The following SLC25A21 variants were observed in gnomAD, a reference collection of about 807,000 sequenced individuals.
The protein encoded by SLC25A21 is solute carrier family 25 member 21, also known as mitochondrial 2-oxodicarboxylate carrier.
In SLC25A21, 47 loss-of-function variants were observed where a neutral mutation model predicts 43.8. That is an observed-to-expected ratio of 1.07 (90% CI 0.85 to 1.37). SLC25A21 has a LOEUF of 1.37. SLC25A21 is among the 40% of genes most tolerant of loss of function. SLC25A21 has a pLI of 0.00. For missense variants in SLC25A21, 352 were observed against 350.2 expected (o/e 1.00, Z -0.04); for synonymous variants, 131 against 121.3 (o/e 1.08, Z -0.52).
chr14:36,779,820 G>C (rs534788983), intron 3 of SLC25A21, among the ~76,000 whole-genome samples: 1 of 151,306 alleles, frequency 6.6e-6, no homozygotes, highest in Non-Finnish European at 1.5e-5. Context: ...CCCAGAAGTG[G>C]GATTTCTGGA....
intron 2 of SLC25A21, among the ~76,000 whole-genome samples, chr14:36,855,806 A>C (rs1233165040): frequency 2.6e-5 from 4 of 152,198 alleles, no homozygotes; most frequent in Non-Finnish European, 5.9e-5. Context: ...CATTTGTCAC[A>C]TATCAATACG....
At chr14:36,917,575 C>T (rs566030225) in intron 1 of SLC25A21, among the ~76,000 whole-genome samples, 19 of 151,996 alleles carry the variant, frequency 1.3e-4, no homozygotes, top group African/African-American at 4.3e-4. Flanking sequence ...GCATAGGAGG[C>T]AATTTGATAA....
intron 2 of SLC25A21, among the ~76,000 whole-genome samples, chr14:36,821,695 T>C (rs998431600): frequency 6.6e-6 from 1 of 152,074 alleles, no homozygotes; most frequent in Non-Finnish European, 1.5e-5. Context: ...CAGACACCTG[T>C]TATCCCAGCT....
intron 1 of SLC25A21, among the ~76,000 whole-genome samples, chr14:36,944,660 T>C (rs1190811640): frequency 1.3e-5 from 2 of 152,192 alleles, no homozygotes; most frequent in Non-Finnish European, 2.9e-5. Flanking sequence ...CATGAACATT[T>C]GTAAAGCATT....
chr14:36,841,467 T>C (rs1889381418), intron 2 of SLC25A21, among the ~76,000 whole-genome samples: 1 of 152,160 alleles, frequency 6.6e-6, no homozygotes, highest in African/African-American at 2.4e-5. Flanking sequence ...AACCTCCGAA[T>C]CCTCCTGCAT....
At chr14:36,810,441 T>C (rs1888199573) in intron 3 of SLC25A21, among the ~76,000 whole-genome samples, 1 of 152,178 alleles carries the variant, frequency 6.6e-6, no homozygotes. Context: ...ATACTTTCAT[T>C]GGCTATGTAA....
intron 1 of SLC25A21, among the ~76,000 whole-genome samples, chr14:36,914,638 A>G (rs1891780964): frequency 6.6e-6 from 1 of 152,140 alleles, no homozygotes; most frequent in South Asian, 2.1e-4. Flanking sequence ...GCTAATTGGT[A>G]TTTTTCAGAG....
At chr14:36,943,184 G>A (rs1892606090) in intron 1 of SLC25A21, among the ~76,000 whole-genome samples, 1 of 152,102 alleles carries the variant, frequency 6.6e-6, no homozygotes. Context: ...TAGGGAGATA[G>A]ATTTTAGTCA....
chr14:36,786,839 G>T (rs1275749634), intron 3 of SLC25A21, among the ~76,000 whole-genome samples: 1 of 152,176 alleles, frequency 6.6e-6, no homozygotes, highest in East Asian at 1.9e-4. Flanking sequence ...CCAGGCCCCA[G>T]CCTCTGTACA....
chr14:36,683,562 G>C (rs1482092115), intron 9 of SLC25A21, among the ~76,000 whole-genome samples: 3 of 152,190 alleles, frequency 2.0e-5, no homozygotes, highest in Non-Finnish European at 2.9e-5. Context: ...AACTCCAACT[G>C]CCTGTGGCTT....
intron 1 of SLC25A21, among the ~76,000 whole-genome samples, chr14:37,104,910 T>C (rs143046589): frequency 6.6e-6 from 1 of 152,306 alleles, no homozygotes; most frequent in East Asian, 1.9e-4. Context: ...GCCTCTGAAA[T>C]ACAGCAGATC....
At chr14:36,965,161 T>C (rs1959583895) in intron 1 of SLC25A21, among the ~76,000 whole-genome samples, 1 of 152,210 alleles carries the variant, frequency 6.6e-6, no homozygotes, top group Non-Finnish European at 1.5e-5. Flanking sequence ...ATTGATCAAA[T>C]TGAAGGCAAA....
chr14:36,924,792 C>G (rs1275495171), intron 1 of SLC25A21, among the ~76,000 whole-genome samples: 1 of 152,110 alleles, frequency 6.6e-6, no homozygotes, highest in Admixed American at 6.6e-5. Flanking sequence ...ATTTATATAG[C>G]ATTTATACTG....
intron 1 of SLC25A21, among the ~76,000 whole-genome samples, chr14:37,022,567 G>A (rs1329571329): frequency 5.9e-5 from 9 of 151,844 alleles, no homozygotes; most frequent in Non-Finnish European, 1.3e-4. Context: ...CATCATCCTA[G>A]TATGAAGTCT....
intron 7 of SLC25A21, among the ~76,000 whole-genome samples, chr14:36,701,091 T>C (rs1883260066): frequency 6.6e-6 from 1 of 152,218 alleles, no homozygotes; most frequent in African/African-American, 2.4e-5. Context: ...ACAACTTTCA[T>C]TCCTTCTAAT....
At chr14:36,745,672 C>T (rs1421648994) in intron 3 of SLC25A21, among the ~76,000 whole-genome samples, 1 of 152,078 alleles carries the variant, frequency 6.6e-6, no homozygotes, top group African/African-American at 2.4e-5. Context: ...ATATCCTTTG[C>T]CTACTTTTTG....
At chr14:37,112,279 C>G (rs1387114994) in intron 1 of SLC25A21, among the ~76,000 whole-genome samples, 1 of 152,068 alleles carries the variant, frequency 6.6e-6, no homozygotes, top group African/African-American at 2.4e-5. Flanking sequence ...AGGACACGGA[C>G]CACTGGAGAA....
chr14:36,840,285 G>A (rs1434461943), intron 2 of SLC25A21, among the ~76,000 whole-genome samples: 5 of 151,988 alleles, frequency 3.3e-5, no homozygotes, highest in Non-Finnish European at 7.4e-5. Context: ...TATGAGTCAA[G>A]CCTTCAGTGT....
intron 3 of SLC25A21, among the ~76,000 whole-genome samples, chr14:36,769,503 A>G (rs569576225): frequency 6.6e-6 from 1 of 152,320 alleles, no homozygotes; most frequent in East Asian, 1.9e-4. Context: ...GTGATTACAA[A>G]ACAAAGCTAA....
Sources: gnomAD v4.1 joint callset for allele counts (sites outside exome capture counted in the v4.1 genomes callset) on GRCh38, gnomAD v4.1.1 for gene constraint, MANE v1.5 for transcripts, NCBI Gene and HGNC (gene_info 2026-07-23, HGNC 2026-07-21) for gene names.